Variants in CSMD3 observed in about 807,000 individuals in gnomAD.
The protein encoded by CSMD3 is CUB and Sushi multiple domains 3.
A neutral mutation model predicts 435.2 loss-of-function variants in CSMD3; 177 were observed. That is an observed-to-expected ratio of 0.41 (90% CI 0.36 to 0.46). CSMD3 has a LOEUF of 0.46. Among genes scored for constraint, CSMD3 ranks in the 20% least tolerant of loss-of-function variants. The pLI is 0.34. For missense variants in CSMD3, 4,265 were observed against 4,504.6 expected (o/e 0.95, Z 1.52); for synonymous variants, 1,656 against 1,520.5 (o/e 1.09, Z -2.07).
chr8:113,001,224 C>T (rs942272737), intron 6 of CSMD3, among the ~76,000 whole-genome samples: 3 of 152,012 alleles, frequency 2.0e-5, no homozygotes, highest in African/African-American at 4.8e-5. Flanking sequence ...AAAACAATTT[C>T]TCAAAGCTTA....
In CSMD3 at chr8:113,346,332, A is replaced by C. The variant is rs1054452232; in HGVS notation, c.179-31539T>G. Reference sequence around the variant, plus strand: ...CTCTTTACTTTCTTTTCTGATAAGAAATGCAAACCTAATTTTTAAAACCAT... The same window carrying C: ...CTCTTTACTTTCTTTTCTGATAAGACATGCAAACCTAATTTTTAAAACCAT... On this transcript the variant is annotated intron_variant, in intron 1 of 70. Coordinates refer to ENST00000297405, the MANE Select transcript of CSMD3 (RefSeq NM_198123.2). Among the ~76,000 whole-genome samples the C allele has an allele frequency of 2.6e-5, 4 of 152,110 alleles. No individual in the cohort carries two copies. The East Asian group carries it at 5.8e-4, about 22-fold the overall frequency.
At position 112,306,064 on chromosome 8, in the gene CSMD3, C is replaced by T. The variant is rs1177663091; in HGVS notation, c.8014G>A (p.Ala2672Thr). Residue 2672 changes from alanine to threonine, a missense_variant, in exon 51 of 71, where the codon GCT becomes ACT. Physicochemically the swap from Ala to Thr is moderately conservative, Grantham distance 58. Around this residue, in one of 3 missense-constraint regions of CSMD3, gnomAD observed 3,255 missense variants for 3,380.2 expected, o/e 0.96. Coordinates refer to ENST00000297405, the MANE Select transcript of CSMD3 (RefSeq NM_198123.2). ...YRLSSKELTT[A>T]VCQSDGTWSN... ...CATGTTCCATCTGATTGGCATACAG[C>T]TGTAGTGAGTTCTTTGGATGACAAT... The T allele has an allele frequency of 6.2e-7, 1 of 1,613,684 alleles. No homozygotes were observed. Among genetic ancestry groups the T allele is most frequent in the East Asian group, 2.2e-5 (1 of 44,852 alleles).
chr8:113,352,578 T>C (rs557764137), intron 1 of CSMD3, among the ~76,000 whole-genome samples: 90 of 152,288 alleles, frequency 5.9e-4, no homozygotes, highest in African/African-American at 2.1e-3. Context: ...GTGCTATGTC[T>C]AGAGCACAAA....
chr8:112,857,710 A>G (rs2080702197), intron 11 of CSMD3, among the ~76,000 whole-genome samples: 2 of 149,954 alleles, frequency 1.3e-5, no homozygotes. Context: ...CAATAAAAGT[A>G]TCTCCCTCAT....
At chr8:112,487,101 G>A (rs978848850) in intron 31 of CSMD3, among the ~76,000 whole-genome samples, 3 of 152,066 alleles carry the variant, frequency 2.0e-5, no homozygotes, top group African/African-American at 4.8e-5. Context: ...TCATTTGTAC[G>A]GTGGTCAGTA....
At chr8:112,726,679 C>T (rs543741537) in intron 13 of CSMD3, among the ~76,000 whole-genome samples, 13 of 151,886 alleles carry the variant, frequency 8.6e-5, no homozygotes, top group Admixed American at 3.3e-4. Flanking sequence ...AGGATTTTAG[C>T]CTTTCCTATT....
intron 11 of CSMD3, among the ~76,000 whole-genome samples, chr8:112,856,945 G>A (rs556153591): frequency 1.3e-5 from 2 of 151,826 alleles, no homozygotes; most frequent in African/African-American, 4.8e-5. Context: ...TTAAAACTAT[G>A]TGCTATAAAC....
At chr8:112,500,204 C>A (rs1029025180) in intron 30 of CSMD3, among the ~76,000 whole-genome samples, 1 of 151,756 alleles carries the variant, frequency 6.6e-6, no homozygotes, top group African/African-American at 2.4e-5. Flanking sequence ...TAGATAAAAG[C>A]AATACTAATA....
intron 5 of CSMD3, among the ~76,000 whole-genome samples, chr8:113,090,362 A>G (rs1484940665): frequency 6.6e-6 from 1 of 151,226 alleles, no homozygotes; most frequent in Non-Finnish European, 1.5e-5. Flanking sequence ...AAGATGAAAA[A>G]ATTTGAAATA....
chr8:113,159,601 A>G (rs915829714), intron 4 of CSMD3, among the ~76,000 whole-genome samples: 2 of 152,006 alleles, frequency 1.3e-5, no homozygotes, highest in Admixed American at 1.3e-4. Flanking sequence ...AGCCATAATT[A>G]GTCAATATTT....
At chr8:112,811,448 G>C (rs2079225913) in intron 12 of CSMD3, among the ~76,000 whole-genome samples, 1 of 152,038 alleles carries the variant, frequency 6.6e-6, no homozygotes, top group African/African-American at 2.4e-5. Context: ...GTCCTTCTTA[G>C]AGGCCTTGGA....
At chr8:112,382,654 C>T (rs1829581947) in intron 37 of CSMD3, among the ~76,000 whole-genome samples, 2 of 152,108 alleles carry the variant, frequency 1.3e-5, no homozygotes, top group South Asian at 2.1e-4. Flanking sequence ...TTCTATATGT[C>T]AAAAGAAGCT....
At chr8:112,728,041 T>A (rs899140401) in intron 13 of CSMD3, among the ~76,000 whole-genome samples, 3 of 151,976 alleles carry the variant, frequency 2.0e-5, no homozygotes, top group Non-Finnish European at 4.4e-5. Context: ...ATTTTCTTGT[T>A]GTTTATCATA....
At chr8:112,785,311 T>C (rs2078508952) in intron 13 of CSMD3, among the ~76,000 whole-genome samples, 1 of 151,680 alleles carries the variant, frequency 6.6e-6, no homozygotes, top group Non-Finnish European at 1.5e-5. Flanking sequence ...TAATACTAAA[T>C]AGGAAAAAAA....
chr8:112,467,200 C>T lies in CSMD3; in HGVS notation c.5395+5391G>A, dbSNP rs539888540. On this transcript the variant is annotated intron_variant, in intron 32 of 70. Transcript: ENST00000297405. ...TGAAACATGCAACCAAGAGACTGTG[C>T]CAATAATAAAAGATAGGTGAGAAGG... Among the ~76,000 whole-genome samples the T allele has an allele frequency of 2.0e-4, 30 of 152,172 alleles. 1 individual carries two copies. In the South Asian group the frequency reaches 5.6e-3, roughly 28 times the overall value.
rs555703489 is a variant in CSMD3, at chr8:112,997,875, T to C, written c.1030+21192A>G. Among the ~76,000 whole-genome samples the C allele has an allele frequency of 6.7e-5, 10 of 149,096 alleles. No homozygotes were observed. In the South Asian group the frequency reaches 1.9e-3, roughly 28 times the overall value. Reference sequence around the variant, plus strand: ...ATGTATATGTGTGTATATATATATATATATACATATATATATAGTGAATTG... The same window carrying C: ...ATGTATATGTGTGTATATATATATACATATACATATATATATAGTGAATTG... On this transcript the variant is annotated intron_variant, in intron 6 of 70. Transcript: ENST00000297405.
chr8:112,476,812 T>C (rs1819099669), intron 31 of CSMD3, among the ~76,000 whole-genome samples: 1 of 152,178 alleles, frequency 6.6e-6, no homozygotes, highest in African/African-American at 2.4e-5. Flanking sequence ...TAACCTTATG[T>C]GATTTATCAG....
intron 10 of CSMD3, among the ~76,000 whole-genome samples, chr8:112,912,897 AATG>A (rs1374589039): frequency 6.6e-6 from 1 of 152,064 alleles, no homozygotes; most frequent in Non-Finnish European, 1.5e-5. Flanking sequence ...AGAATGGACA[AATG>A]ATTGAGTAGA....
chr8:112,442,783 C>T (rs1279427295), intron 32 of CSMD3, among the ~76,000 whole-genome samples: 2 of 152,116 alleles, frequency 1.3e-5, no homozygotes, highest in African/African-American at 2.4e-5. Flanking sequence ...AAGAAAAGGA[C>T]TTTACTTTGT....
Sources: gnomAD v4.1 joint callset for allele counts (sites outside exome capture counted in the v4.1 genomes callset) on GRCh38, gnomAD v4.1.1 for gene constraint, gnomAD v4.1.1 regional missense constraint, MANE v1.5 for transcripts, NCBI Gene and HGNC (gene_info 2026-07-23, HGNC 2026-07-21) for gene names.